The following CADM3 variants were observed in gnomAD, a reference collection of about 807,000 sequenced individuals.
The protein encoded by CADM3 is TSLC1-like 1.
CADM3 carries 11 observed loss-of-function variants against 44.9 expected under a neutral mutation model. The observed-to-expected ratio is 0.25, with a 90% CI of 0.15 to 0.41. The LOEUF (loss-of-function observed/expected upper bound fraction) is 0.41. Among genes scored for constraint, CADM3 ranks in the 10% least tolerant of loss-of-function variants. The probability of loss-of-function intolerance (pLI) is 1.00; values close to 1 mark genes in which losing one functional copy is unlikely to be tolerated. For synonymous variants in CADM3, 207 were observed against 205.2 expected (o/e 1.01, Z -0.08); for missense variants, 426 against 512.0 (o/e 0.83, Z 1.62).
At chr1:159,172,475 A>G (rs1648852893) in intron 1 of CADM3, among the ~76,000 whole-genome samples, 1 of 152,036 alleles carries the variant, frequency 6.6e-6, no homozygotes, top group Non-Finnish European at 1.5e-5. Flanking sequence ...TTGGAGCAAA[A>G]CAACAACACA....
chr1:159,202,785 C>T lies in CADM3; in HGVS notation c.*1863C>T, dbSNP rs978727494. ...GTAATACAGTTGTGAATCTTCCAGCCGCTGGTTAGGGCCTTGGGCACCACA... is the reference window on the plus strand; with the variant it reads ...GTAATACAGTTGTGAATCTTCCAGCTGCTGGTTAGGGCCTTGGGCACCACA... On this transcript the variant is annotated 3_prime_UTR_variant, in exon 9 of 9. Coordinates refer to ENST00000368125, the MANE Select transcript of CADM3 (RefSeq NM_001127173.3). 1 of 152,122 alleles carries T rather than the reference C, an allele frequency of 6.6e-6. No individual in the cohort carries two copies. The highest frequency in any genetic ancestry group is 1.5e-5 in the Non-Finnish European group (1 of 68,080). 9.4% of individuals were successfully genotyped at this position (152,122 alleles called of 1,614,324 possible).
chr1:159,199,947 G>A, intron 8 of CADM3, 71 bp downstream of exon 8: 2 of 1,566,018 alleles, frequency 1.3e-6, no homozygotes, highest in Non-Finnish European at 1.7e-6. Context: ...CAGGCACGAG[G>A]AGAAGCAGAC....
chr1:159,196,466 C>T lies in CADM3; in HGVS notation c.782+12C>T, dbSNP rs1384905096. 1.2e-6 allele frequency: 2 copies of T among 1,609,592 alleles called. No individual in the cohort carries two copies. Among genetic ancestry groups the T allele is most frequent in the Non-Finnish European group, 1.7e-6 (2 of 1,176,300 alleles). ...CGCGGCAATCCAGTGTAAGAAGATC[C>T]ATTTCCTGGTCTCCTCCTTACTCTC... is the stretch of plus-strand genomic sequence containing the variant. On this transcript the variant is annotated intron_variant, in intron 6 of 8. Transcript: ENST00000368125.
chr1:159,189,891 T>A, intron 1 of CADM3: 4 of 1,544,520 alleles, frequency 2.6e-6, no homozygotes, highest in Non-Finnish European at 3.5e-6. Context: ...CCAGGCCCCC[T>A]CATCTCAATG....
chr1:159,192,778 C>CT, intron 3 of CADM3, 48 bp downstream of exon 3: 2 of 1,581,008 alleles, frequency 1.3e-6, no homozygotes, highest in Non-Finnish European at 1.7e-6. Flanking sequence ...TCCTTGCAAA[C>CT]AAACCTCCCT....
intron 3 of CADM3, 75 bp downstream of exon 3, chr1:159,192,805 C>A: frequency 6.8e-7 from 1 of 1,464,922 alleles, no homozygotes; most frequent in Non-Finnish European, 9.2e-7. Context: ...GTCCCTGAAG[C>A]AGCTGGGAGC....
In CADM3 at chr1:159,201,114, CG is replaced by C. The variant is rs1174247181; in HGVS notation, c.*198del. 1.5e-5 allele frequency: 2 copies of C among 131,354 alleles called. No individual in the cohort carries two copies. Among genetic ancestry groups the C allele is most frequent in the Non-Finnish European group, 1.6e-5 (1 of 63,090 alleles). The allele number at this position is 131,354 out of a possible 1,614,324, so 8.1% of individuals were successfully genotyped here. A position where few individuals can be genotyped will look rare whatever the true frequency, so the allele number is the denominator to read the frequency against. ...GGTTTGGAATGGGGAGGGAGGAGGG[CG>C]GGGGGAGGGGAGGGTTGCCCTCAGC... On this transcript the variant is annotated 3_prime_UTR_variant, in exon 9 of 9. Transcript: ENST00000368125.
intron 7 of CADM3, among the ~76,000 whole-genome samples, chr1:159,198,491 T>G (rs187726477): frequency 2.6e-5 from 4 of 152,010 alleles, no homozygotes; most frequent in African/African-American, 9.7e-5. Flanking sequence ...TCCTCTCCCT[T>G]CCTCCCAAGC....
At chr1:159,197,108 A>C (rs1270342128) in intron 7 of CADM3, 48 bp downstream of exon 7, 1 of 1,572,170 alleles carries the variant, frequency 6.4e-7, no homozygotes, top group African/African-American at 1.4e-5. Context: ...TTCTCTGTCC[A>C]TCTTATTCCC....
chr1:159,177,625 T>A (rs1649075202), intron 1 of CADM3, among the ~76,000 whole-genome samples: 1 of 151,954 alleles, frequency 6.6e-6, no homozygotes, highest in Admixed American at 6.6e-5. Flanking sequence ...TTGGTTATGC[T>A]CCCCGACCTG....
At chr1:159,191,131 T>C (rs2746041) in intron 1 of CADM3, among the ~76,000 whole-genome samples, 24,299 of 152,216 alleles carry the variant, frequency 0.16, 5,041 homozygotes, top group African/African-American at 0.48. Context: ...CCATAAGATA[T>C]CTTCCTAGTC....
At chr1:159,179,900 T>A (rs1480971988) in intron 1 of CADM3, among the ~76,000 whole-genome samples, 1 of 147,272 alleles carries the variant, frequency 6.8e-6, no homozygotes, top group African/African-American at 2.7e-5. Flanking sequence ...TCTTTCCAAA[T>A]ACATATTATA....
intron 1 of CADM3, chr1:159,178,573 CA>C (rs1649114384): frequency 6.6e-6 from 1 of 152,164 alleles, no homozygotes; most frequent in African/African-American, 2.4e-5. Context: ...AAACAAATAT[CA>C]AAATCTTGAC....
chr1:159,189,796 G>A, intron 1 of CADM3: 3 of 1,607,422 alleles, frequency 1.9e-6, no homozygotes, highest in Non-Finnish European at 8.5e-7. Flanking sequence ...AGGATTTGGA[G>A]CTGGGAACTC....
rs938667874 is a variant in CADM3, at chr1:159,201,922, C to G, written c.*1000C>G. On this transcript the variant is annotated 3_prime_UTR_variant, in exon 9 of 9. Transcript: ENST00000368125. ...CTCCCTTCCCGGCCACCCTGTGCCC[C>G]CTTCCTGGTCCCAACGCCAGCCCTT... 4 of 153,260 alleles carry G rather than the reference C, an allele frequency of 2.6e-5. No individual in the cohort carries two copies. Among genetic ancestry groups the G allele is most frequent in the African/African-American group, 4.8e-5 (2 of 41,464 alleles). The allele number at this position is 153,260 out of a possible 1,614,324, so 9.5% of individuals were successfully genotyped here.
chr1:159,182,688 T>C (rs1289767543), intron 1 of CADM3, among the ~76,000 whole-genome samples: 2 of 152,212 alleles, frequency 1.3e-5, no homozygotes, highest in Non-Finnish European at 2.9e-5. Context: ...AGAAAGGGCA[T>C]TAGTTCCATC....
At chr1:159,189,703 GA>G (rs1210948812) in intron 1 of CADM3, 35 of 1,208,848 alleles carry the variant, frequency 2.9e-5, no homozygotes, top group Non-Finnish European at 3.9e-5. Flanking sequence ...GCCCAGCAAT[GA>G]AAGTAGAGCC....
chr1:159,192,531 A>T (rs764116647), intron 2 of CADM3, 47 bp from the exon 3 acceptor site: 1 of 1,613,314 alleles, frequency 6.2e-7, no homozygotes, highest in South Asian at 1.1e-5. Context: ...GGTAAACATG[A>T]AAGGTGCCAG....
At chr1:159,190,651 G>C (rs541094433) in intron 1 of CADM3, among the ~76,000 whole-genome samples, 2 of 152,156 alleles carry the variant, frequency 1.3e-5, no homozygotes, top group Non-Finnish European at 2.9e-5. Context: ...ACTCCAGCAC[G>C]CACATCTTCA....
Sources: gnomAD v4.1 joint callset for allele counts (sites outside exome capture counted in the v4.1 genomes callset) on GRCh38, gnomAD v4.1.1 for gene constraint, MANE v1.5 for transcripts, NCBI Gene and HGNC (gene_info 2026-07-23, HGNC 2026-07-21) for gene names.